Variants in DLGAP1 observed in about 807,000 individuals in gnomAD.
DLGAP1 encodes the protein DLG associated protein 1.
DLGAP1 carries 11 observed loss-of-function variants against 90.8 expected under a neutral mutation model. The observed-to-expected ratio is 0.12, with a 90% CI of 0.08 to 0.20. The LOEUF (loss-of-function observed/expected upper bound fraction) is 0.20, where lower values mean the gene tolerates loss of function less well. Among genes scored for constraint, DLGAP1 ranks in the 10% least tolerant of loss-of-function variants. The probability of loss-of-function intolerance (pLI) is 1.00; values close to 1 mark genes in which losing one functional copy is unlikely to be tolerated. For synonymous variants in DLGAP1, 558 were observed against 540.7 expected (o/e 1.03, Z -0.44); for missense variants, 1,050 against 1,333.8 (o/e 0.79, Z 3.31).
chr18:4,056,328 G>T (rs1384421094), intron 2 of DLGAP1, among the ~76,000 whole-genome samples: 1 of 152,210 alleles, frequency 6.6e-6, no homozygotes, highest in East Asian at 1.9e-4. Context: ...TTTGCTAGCT[G>T]TGCCTGTCTT....
chr18:3,805,200 C>A (rs965560285), intron 5 of DLGAP1, among the ~76,000 whole-genome samples: 19 of 152,216 alleles, frequency 1.2e-4, no homozygotes, highest in African/African-American at 4.3e-4. Flanking sequence ...CTCGAATCTG[C>A]ATAATTACCC....
At position 3,879,310 on chromosome 18, in the gene DLGAP1, G is replaced by C; in HGVS notation, c.759C>G (p.Ser253Arg). The C allele has an allele frequency of 1.8e-5, 28 of 1,598,642 alleles. No individual in the cohort carries two copies. Among genetic ancestry groups the C allele is most frequent in the Non-Finnish European group, 2.3e-5 (27 of 1,172,008 alleles). ...AGGTGGAGCACTTGACGTCGTTGTT[G>C]CTCCGGGAGGCCTTCACCGCCTGCT... Reference protein sequence around the residue: ...ISEQAVKASRSNNDVKCSTCA... With the variant: ...ISEQAVKASRRNNDVKCSTCA... Residue 253 changes from serine (S) to arginine (R), a missense_variant, in exon 4 of 13, where the codon AGC becomes AGG. By Grantham distance (110) the Ser-to-Arg change is moderately radical. Transcript: ENST00000315677. The surrounding 1 kb of genome is among the most constrained non-coding windows in gnomAD (Gnocchi z 6.6).
intron 7 of DLGAP1, among the ~76,000 whole-genome samples, chr18:3,582,857 CTCCCTCCT>C (rs1487325061): frequency 4.6e-5 from 5 of 108,526 alleles, no homozygotes; most frequent in African/African-American, 1.1e-4. Context: ...CCCTCCCTCC[CTCCCTCCT>C]TCCTTCCTTC....
chr18:4,358,652 C>T (rs973446420), intron 1 of DLGAP1, among the ~76,000 whole-genome samples: 4 of 152,252 alleles, frequency 2.6e-5, no homozygotes, highest in African/African-American at 9.6e-5. Context: ...CTCTTGTTCT[C>T]GTGCCTTTGA....
At chr18:3,906,549 T>G (rs977728082) in intron 3 of DLGAP1, among the ~76,000 whole-genome samples, 1 of 152,220 alleles carries the variant, frequency 6.6e-6, no homozygotes, top group African/African-American at 2.4e-5. Flanking sequence ...TTTATGTTAG[T>G]GTAATTTGAA....
intron 7 of DLGAP1, among the ~76,000 whole-genome samples, chr18:3,714,639 GTTTTTT>G (rs869196557): frequency 1.1e-5 from 1 of 93,050 alleles, no homozygotes; most frequent in South Asian, 3.9e-4. Context: ...TGATTACGTG[GTTTTTT>G]TTTTTTTTTT....
chr18:3,830,455 C>T lies in DLGAP1; in HGVS notation c.958-16182G>A, dbSNP rs188283950. Among the ~76,000 whole-genome samples, 363 of 152,256 alleles carry T rather than the reference C, an allele frequency of 2.4e-3. 4 individuals are homozygous for T. Among genetic ancestry groups the T allele is most frequent in the African/African-American group, 7.7e-3 (322 of 41,556 alleles). ...TGGCACATGCCTGCAATCCCAGCTACTCGGGAGGCTGGGGGCAGAAGAATA... is the reference window on the plus strand; with the variant it reads ...TGGCACATGCCTGCAATCCCAGCTATTCGGGAGGCTGGGGGCAGAAGAATA... On this transcript the variant is annotated intron_variant, in intron 4 of 12. Coordinates refer to ENST00000315677, the MANE Select transcript of DLGAP1 (RefSeq NM_004746.4).
intron 7 of DLGAP1, among the ~76,000 whole-genome samples, chr18:3,656,938 TG>T (rs1040579756): frequency 1.1e-3 from 167 of 152,030 alleles, no homozygotes; most frequent in African/African-American, 3.9e-3. Flanking sequence ...AGTAGAAACA[TG>T]GTTTCACTGT....
intron 9 of DLGAP1, among the ~76,000 whole-genome samples, chr18:3,557,637 A>G (rs2053834006): frequency 1.3e-5 from 2 of 152,226 alleles, no homozygotes; most frequent in African/African-American, 2.4e-5. Context: ...GGGAATTTCC[A>G]GCTATCCTTC....
intron 3 of DLGAP1, among the ~76,000 whole-genome samples, chr18:3,970,256 C>A (rs2073417578): frequency 6.6e-6 from 1 of 152,082 alleles, no homozygotes; most frequent in South Asian, 2.1e-4. Flanking sequence ...AGTTTTAAAT[C>A]TCATAGAGAA....
chr18:4,320,143 G>C (rs2080641727), intron 1 of DLGAP1, among the ~76,000 whole-genome samples: 1 of 152,156 alleles, frequency 6.6e-6, no homozygotes, highest in Non-Finnish European at 1.5e-5. Flanking sequence ...GCTTTGAAAG[G>C]AGGCAATTAT....
intron 4 of DLGAP1, among the ~76,000 whole-genome samples, chr18:3,850,333 A>G (rs769801260): frequency 6.6e-6 from 1 of 152,092 alleles, no homozygotes; most frequent in African/African-American, 2.4e-5. Flanking sequence ...CAGAGGTTGC[A>G]GTGAGCTGAG....
chr18:3,628,835 T>A (rs2058411443), intron 7 of DLGAP1, among the ~76,000 whole-genome samples: 1 of 152,198 alleles, frequency 6.6e-6, no homozygotes, highest in African/African-American at 2.4e-5. Context: ...TTTCCATTGC[T>A]ATATGAAAAT....
chr18:3,672,399 G>A (rs1361283242), intron 7 of DLGAP1, among the ~76,000 whole-genome samples: 1 of 151,766 alleles, frequency 6.6e-6, no homozygotes, highest in Non-Finnish European at 1.5e-5. Context: ...GCAATATGGA[G>A]AAACGTCATC....
At chr18:3,706,479 G>A (rs556691281) in intron 7 of DLGAP1, among the ~76,000 whole-genome samples, 8 of 152,286 alleles carry the variant, frequency 5.3e-5, no homozygotes, top group Admixed American at 2.0e-4. Context: ...TTCCTGCAAA[G>A]AGCAAGCATC....
At chr18:4,248,334 T>C (rs2078697929) in intron 1 of DLGAP1, among the ~76,000 whole-genome samples, 1 of 152,362 alleles carries the variant, frequency 6.6e-6, no homozygotes, top group Middle Eastern at 3.4e-3. Flanking sequence ...CTTCAGGATA[T>C]TGACTCGTTG....
At chr18:3,917,355 T>A (rs2072167865) in intron 3 of DLGAP1, among the ~76,000 whole-genome samples, 2 of 152,196 alleles carry the variant, frequency 1.3e-5, no homozygotes, top group African/African-American at 4.8e-5. Context: ...TCAGCAGCAT[T>A]CCAGCTCTCG....
chr18:4,317,132 G>A (rs1022232349), intron 1 of DLGAP1, among the ~76,000 whole-genome samples: 1 of 152,174 alleles, frequency 6.6e-6, no homozygotes, highest in African/African-American at 2.4e-5. Context: ...ATGTAGGGGG[G>A]AAAGGAGAGC....
rs1339484905 is a variant in DLGAP1 at position 4,116,059 on chromosome 18, A to G, written c.-159+35121T>C. ...GCTTTTAGTCTTAAAAACTCTCTTT[A>G]GTATTTCTTGTAAGGGGGTTAACAA... On this transcript the variant is annotated intron_variant, in intron 2 of 12. Coordinates refer to ENST00000315677, the MANE Select transcript of DLGAP1 (RefSeq NM_004746.4). Among the ~76,000 whole-genome samples, 6 of 152,214 alleles carry G rather than the reference A, an allele frequency of 3.9e-5. No individual in the cohort carries two copies. In the East Asian group the frequency reaches 1.2e-3, roughly 29 times the overall value.
Sources: gnomAD v4.1 joint callset for allele counts (sites outside exome capture counted in the v4.1 genomes callset) on GRCh38, gnomAD v4.1.1 for gene constraint, Gnocchi (gnomAD v3.1) non-coding constraint, MANE v1.5 for transcripts, NCBI Gene and HGNC (gene_info 2026-07-23, HGNC 2026-07-21) for gene names.